The following ITPRID1 variants were observed in gnomAD, a reference collection of about 807,000 sequenced individuals.
ITPRID1 encodes the protein protein ITPRID1.
In ITPRID1, 96 loss-of-function variants were observed where a neutral mutation model predicts 95.4. That is an observed-to-expected ratio of 1.01 (90% confidence interval 0.85 to 1.19). The LOEUF (loss-of-function observed/expected upper bound fraction) is 1.19, where lower values mean the gene tolerates loss of function less well. Ranked by LOEUF, ITPRID1 falls within the 50% of genes most tolerant of loss-of-function variation. The pLI is 0.00. For synonymous variants in ITPRID1, 510 were observed against 453.6 expected, an observed-to-expected ratio of 1.12 and a Z score of -1.58; for missense variants, 1,339 against 1,252.9, an observed-to-expected ratio of 1.07 and a Z score of -1.04.
At chr7:31,531,469 G>GTC (rs1783594422) in intron 1 of ITPRID1, among the ~76,000 whole-genome samples, 1 of 152,172 alleles carries the variant, frequency 6.6e-6, no homozygotes, top group Admixed American at 6.5e-5. Flanking sequence ...TGGTTTTGAG[G>GTC]TCTCTCTCTT....
chr7:31,582,792 A>T (rs1785451747), intron 9 of ITPRID1, among the ~76,000 whole-genome samples: 1 of 152,192 alleles, frequency 6.6e-6, no homozygotes, highest in African/African-American at 2.4e-5. Flanking sequence ...CCATAAATTT[A>T]TCAAGCCTTA....
At chr7:31,583,055 GTC>G (rs1159831685) in intron 9 of ITPRID1, 77 bp from the exon 10 acceptor site, 1 of 1,007,248 alleles carries the variant, frequency 9.9e-7, no homozygotes, top group African/African-American at 1.6e-5. Context: ...TCAGTTGCCA[GTC>G]TTATTATATG....
chr7:31,591,142 C>T (rs1785848496), intron 10 of ITPRID1, among the ~76,000 whole-genome samples: 1 of 152,156 alleles, frequency 6.6e-6, no homozygotes, highest in African/African-American at 2.4e-5. Context: ...CAGGAGTTGA[C>T]CCCAGTATTT....
At chr7:31,644,151 A>G (rs1277087585) in intron 12 of ITPRID1, among the ~76,000 whole-genome samples, 198 bp downstream of exon 12, 2 of 152,212 alleles carry the variant, frequency 1.3e-5, no homozygotes, top group African/African-American at 2.4e-5. Flanking sequence ...CCAATCAATC[A>G]CCTTTAGAAA....
intron 1 of ITPRID1, among the ~76,000 whole-genome samples, chr7:31,543,158 G>A (rs1783985106): frequency 6.6e-6 from 1 of 152,048 alleles, no homozygotes; most frequent in South Asian, 2.1e-4. Context: ...TAGGAAACAA[G>A]CATAGCTGGA....
At chr7:31,617,958 ATTTTAGAAGCACACATAT>A (rs1303379735) in intron 10 of ITPRID1, among the ~76,000 whole-genome samples, 2 of 152,230 alleles carry the variant, frequency 1.3e-5, no homozygotes, top group Non-Finnish European at 2.9e-5. Context: ...TAGGAAATGC[ATTTTAGAAGCACACATAT>A]TGATTGTCAT....
chr7:31,595,345 TACACACACACACAC>T (rs58632355), intron 10 of ITPRID1, among the ~76,000 whole-genome samples: 2 of 147,054 alleles, frequency 1.4e-5, no homozygotes, highest in Admixed American at 6.8e-5. Context: ...ATGCCCGGCC[TACACACACACACAC>T]ACACACACAC....
At chr7:31,587,907 T>A (rs751582951) in intron 10 of ITPRID1, among the ~76,000 whole-genome samples, 20 of 152,042 alleles carry the variant, frequency 1.3e-4, no homozygotes, top group Non-Finnish European at 2.2e-4. Flanking sequence ...CCCTATTTAA[T>A]AAATGGTGCT....
chr7:31,586,995 T>A (rs2128151874), intron 10 of ITPRID1, among the ~76,000 whole-genome samples: 1 of 152,292 alleles, frequency 6.6e-6, no homozygotes, highest in South Asian at 2.1e-4. Flanking sequence ...AAGTCTTTAA[T>A]CCATCTTAAA....
At chr7:31,622,279 C>T (rs1017863113) in intron 10 of ITPRID1, among the ~76,000 whole-genome samples, 6 of 115,680 alleles carry the variant, frequency 5.2e-5, no homozygotes, top group African/African-American at 1.9e-4. Context: ...CAGAACTCTC[C>T]ACCCCAAATC....
intron 1 of ITPRID1, among the ~76,000 whole-genome samples, chr7:31,533,091 T>G (rs1202197059): frequency 6.6e-6 from 1 of 152,212 alleles, no homozygotes; most frequent in Non-Finnish European, 1.5e-5. Context: ...GTGTTATTTC[T>G]TCTCTAAATG....
chr7:31,603,819 C>A (rs1786500396), intron 10 of ITPRID1, among the ~76,000 whole-genome samples: 1 of 152,092 alleles, frequency 6.6e-6, no homozygotes, highest in Non-Finnish European at 1.5e-5. Context: ...CTACATTGCT[C>A]CTTTTTTCAG....
At chr7:31,541,186 G>A (rs899779091) in intron 1 of ITPRID1, among the ~76,000 whole-genome samples, 1 of 152,118 alleles carries the variant, frequency 6.6e-6, no homozygotes, top group African/African-American at 2.4e-5. Context: ...ACTTTGAAAA[G>A]CAAAACAAAG....
chr7:31,516,468 T>TCCC (rs1461574155), intron 1 of ITPRID1, among the ~76,000 whole-genome samples: 1 of 152,172 alleles, frequency 6.6e-6, no homozygotes, highest in African/African-American at 2.4e-5. Context: ...ACCCTTGATA[T>TCCC]CCCGCAAATC....
intron 10 of ITPRID1, among the ~76,000 whole-genome samples, chr7:31,593,859 G>A (rs896014503): frequency 6.6e-6 from 1 of 152,064 alleles, no homozygotes; most frequent in Non-Finnish European, 1.5e-5. Flanking sequence ...AAGCTATTCA[G>A]TCATTATTTT....
At chr7:31,566,459 T>C (rs1246466873) in intron 5 of ITPRID1, among the ~76,000 whole-genome samples, 1 of 152,118 alleles carries the variant, frequency 6.6e-6, no homozygotes, top group Admixed American at 6.6e-5. Context: ...CCATGCAATG[T>C]TTTAGGTGAA....
At chr7:31,616,834 A>ATT in intron 10 of ITPRID1, among the ~76,000 whole-genome samples, 1 of 152,124 alleles carries the variant, frequency 6.6e-6, no homozygotes, top group African/African-American at 2.4e-5. Flanking sequence ...GATTCAAACA[A>ATT]TTATCAGATA....
In ITPRID1 at chr7:31,577,857, G is replaced by C; in HGVS notation, c.599-6G>C. ...CTGAAACTTTCGTGTTTCTTGTGTT[G>C]TGCAGGTCGTTTCCGACAGCTGGAA... On this transcript the variant is annotated splice_region_variant and splice_polypyrimidine_tract_variant and intron_variant, in intron 8 of 14. Coordinates refer to ENST00000615280, the MANE Select transcript of ITPRID1 (RefSeq NM_001257967.3). 2 of 1,578,692 alleles carry C rather than the reference G, an allele frequency of 1.3e-6. No individual in the cohort carries two copies. Among genetic ancestry groups the C allele is most frequent in the Non-Finnish European group, 8.6e-7 (1 of 1,163,058 alleles).
chr7:31,628,254 C>G (rs1788658181), intron 10 of ITPRID1, among the ~76,000 whole-genome samples: 1 of 152,048 alleles, frequency 6.6e-6, no homozygotes, highest in Non-Finnish European at 1.5e-5. Context: ...ATTGATGGAA[C>G]ACAAGAGAAA....
Sources: allele counts gnomAD v4.1 joint callset (sites outside exome capture counted in the v4.1 genomes callset), GRCh38; gene constraint gnomAD v4.1.1; transcripts MANE v1.5; gene names NCBI Gene and HGNC (gene_info 2026-07-23, HGNC 2026-07-21).